MIA2: variants seen among roughly 807,000 people sequenced by gnomAD.
MIA2 encodes the protein MIA SH3 domain ER export factor 2.
MIA2 carries 127 observed loss-of-function variants against 167.8 expected under a neutral mutation model. That is an observed-to-expected ratio of 0.76 (90% CI 0.66 to 0.88). The LOEUF is 0.88. Ranked by LOEUF, MIA2 falls within the 40% of genes least tolerant of loss-of-function variation. The pLI, the probability that MIA2 is intolerant of heterozygous loss-of-function variation, is 0.00. For missense variants in MIA2, 1,690 were observed against 1,624.7 expected (o/e 1.04, Z -0.69); for synonymous variants, 552 against 541.9 (o/e 1.02, Z -0.26).
At chr14:39,299,414 T>A (rs1166106245) in intron 13 of MIA2, among the ~76,000 whole-genome samples, 3 of 147,032 alleles carry the variant, frequency 2.0e-5, no homozygotes, top group Non-Finnish European at 4.5e-5. Context: ...TTCAAGCGAT[T>A]CTCCTGCCTC....
chr14:39,304,239 T>G (rs1180297040), intron 16 of MIA2, 52 bp from the exon 17 acceptor site: 4 of 825,504 alleles, frequency 4.8e-6, no homozygotes, highest in Non-Finnish European at 7.5e-6. Context: ...TTATTTTTAT[T>G]TTTTTGTATA....
chr14:39,237,418 G>T, intron 2 of MIA2: 1 of 269,762 alleles, frequency 3.7e-6, no homozygotes. Flanking sequence ...GTGAGCCACC[G>T]CACCCGCCCA....
chr14:39,297,273 G>A (rs2061560246), intron 13 of MIA2, among the ~76,000 whole-genome samples: 1 of 150,924 alleles, frequency 6.6e-6, no homozygotes, highest in Non-Finnish European at 1.5e-5. Context: ...TATGTTTTTA[G>A]TAGAGATGGG....
At chr14:39,350,810 A>G (rs1475489135), downstream of MIA2, 1 of 152,214 alleles carries the variant, frequency 6.6e-6, no homozygotes, top group Non-Finnish European at 1.5e-5. Context: ...TTTCTTGTAA[A>G]TAGACATGAG....
chr14:39,286,695 A>G (rs10144680), intron 9 of MIA2, among the ~76,000 whole-genome samples: 2 of 145,558 alleles, frequency 1.4e-5, no homozygotes, highest in South Asian at 2.1e-4. Context: ...CTTCCTTCTT[A>G]CTTTTTTTTT....
At chr14:39,301,881 A>G (rs997512250) in intron 14 of MIA2, among the ~76,000 whole-genome samples, 2 of 152,220 alleles carry the variant, frequency 1.3e-5, no homozygotes, top group African/African-American at 4.8e-5. Context: ...TTTTAGTTGC[A>G]TAATATTAAT....
chr14:39,323,552 G>A (rs1236572838), intron 24 of MIA2, among the ~76,000 whole-genome samples: 1 of 145,642 alleles, frequency 6.9e-6, no homozygotes, highest in African/African-American at 2.6e-5. Flanking sequence ...AATTGAAACC[G>A]CTACATGAAA....
At chr14:39,298,664 A>G (rs2061891156) in intron 13 of MIA2, among the ~76,000 whole-genome samples, 1 of 149,816 alleles carries the variant, frequency 6.7e-6, no homozygotes, top group Admixed American at 6.7e-5. Context: ...TTTTTCATAT[A>G]TATGAGCCAT....
At position 39,304,238 on chromosome 14, in the gene MIA2, T is replaced by A. The variant is rs370126862; in HGVS notation, c.2788-53T>A. ...ACTGAGGTTTTATTTTTTATTTTTA[T>A]TTTTTTGTATAACTGATTAATGTTA... On this transcript the variant is annotated intron_variant, in intron 16 of 28. Coordinates refer to ENST00000640607, the MANE Select transcript of MIA2 (RefSeq NM_001329214.4). 1.6e-4 allele frequency: 123 copies of A among 771,020 alleles called. 1 individual carries two copies. In the African/African-American group the frequency reaches 2.0e-3, roughly 12 times the overall value. The allele number at this position is 771,020 out of a possible 1,614,324, so 47.8% of individuals were successfully genotyped here.
chr14:39,348,012 C>T (rs2073767480), intron 27 of MIA2, among the ~76,000 whole-genome samples: 1 of 151,894 alleles, frequency 6.6e-6, no homozygotes, highest in African/African-American at 2.4e-5. Flanking sequence ...GGAGTTTCAC[C>T]CTGTTGGCGA....
chr14:39,324,262 A>C (rs762645272), intron 24 of MIA2, among the ~76,000 whole-genome samples: 1 of 152,228 alleles, frequency 6.6e-6, no homozygotes, highest in Non-Finnish European at 1.5e-5. Flanking sequence ...TCTGTGCTTC[A>C]TTCCAGATGA....
intron 6 of MIA2, chr14:39,253,745 A>G (rs17109068): frequency 0.22 from 34,081 of 152,092 alleles, 3,921 homozygotes; most frequent in Middle Eastern, 0.31. Flanking sequence ...TTGGAGTACA[A>G]AAGCAACTAA....
At chr14:39,342,998 C>T (rs948502578) in intron 25 of MIA2, among the ~76,000 whole-genome samples, 5 of 152,090 alleles carry the variant, frequency 3.3e-5, no homozygotes, top group African/African-American at 7.2e-5. Flanking sequence ...TTAACCATTT[C>T]CTGTTGGTGA....
intron 6 of MIA2, among the ~76,000 whole-genome samples, chr14:39,271,410 A>T (rs1408011835): frequency 1.3e-5 from 2 of 152,114 alleles, no homozygotes; most frequent in African/African-American, 4.8e-5. Context: ...TACAGTAGGG[A>T]AGTATGAGTC....
chr14:39,328,038 T>G (rs1209692227), intron 25 of MIA2, among the ~76,000 whole-genome samples: 1 of 152,214 alleles, frequency 6.6e-6, no homozygotes, highest in African/African-American at 2.4e-5. Flanking sequence ...GCTTGAGGAA[T>G]CGCCACACTG....
chr14:39,383,890 A>C (rs978969582), intron 23 of MIA2, among the ~76,000 whole-genome samples: 1 of 152,242 alleles, frequency 6.6e-6, no homozygotes, highest in African/African-American at 2.4e-5. Context: ...TGATGCTAGC[A>C]GAGGTTGGTT....
intron 23 of MIA2, among the ~76,000 whole-genome samples, chr14:39,364,717 TTTTTTGTTTTG>T (rs200237522): frequency 0.021 from 3,215 of 151,962 alleles, 126 homozygotes; most frequent in African/African-American, 0.074. Context: ...ATAGTTTGTT[TTTTTTGTTTTG>T]TTTTTGTTTT....
At chr14:39,267,557 G>C (rs767011478) in intron 6 of MIA2, 1 of 1,607,774 alleles carries the variant, frequency 6.2e-7, no homozygotes, top group South Asian at 1.1e-5. Context: ...ACGTGGCCCA[G>C]GGGTCGCGGG....
rs762228942 is a variant in MIA2, at chr14:39,247,182, G to C, written c.608G>C (p.Ser203Thr). Residue 203 changes from serine (S) to threonine (T), a missense_variant, in exon 4 of 29, where the codon AGT (serine) becomes ACT (threonine). Coordinates refer to ENST00000640607, the MANE Select transcript of MIA2 (RefSeq NM_001329214.4). ...SKDWEEVVVE[S>T]MEQDRIPEVH... ...GACTGGGAAGAAGTAGTTGTTGAAA[G>C]TATGGAACAGGATCGTATTCCAGAA... 47 of 1,614,044 alleles carry C rather than the reference G, an allele frequency of 2.9e-5. No homozygotes were observed. Among genetic ancestry groups the C allele is most frequent in the Non-Finnish European group, 3.9e-5 (46 of 1,180,036 alleles).
Sources: allele counts gnomAD v4.1 joint callset (sites outside exome capture counted in the v4.1 genomes callset), GRCh38; gene constraint gnomAD v4.1.1; transcripts MANE v1.5; gene names NCBI Gene and HGNC (gene_info 2026-07-23, HGNC 2026-07-21).